The following NGEF variants were observed in gnomAD, a reference collection of about 807,000 sequenced individuals.
NGEF encodes neuronal guanine nucleotide exchange factor.
Under a neutral mutation model 80.9 loss-of-function variants are expected in NGEF, and 31 were observed. That is an observed-to-expected ratio of 0.38 (90% CI 0.29 to 0.52). The LOEUF (loss-of-function observed/expected upper bound fraction) is 0.52. Ranked by LOEUF, NGEF falls within the 20% of genes least tolerant of loss-of-function variation. The pLI, the probability that NGEF is intolerant of heterozygous loss-of-function variation, is 0.84. For synonymous variants in NGEF, 371 were observed against 370.2 expected, an observed-to-expected ratio of 1.00 and a Z score of -0.03; for missense variants, 709 against 926.2, an observed-to-expected ratio of 0.77 and a Z score of 3.04.
chr2:232,908,591 A>T (rs1417274254), intron 5 of NGEF, among the ~76,000 whole-genome samples: 2 of 151,438 alleles, frequency 1.3e-5, no homozygotes, highest in Non-Finnish European at 2.9e-5. Flanking sequence ...TTTTGCGGAG[A>T]TAGGGTCTTG....
chr2:232,939,522 A>G (rs1240096243), intron 3 of NGEF, among the ~76,000 whole-genome samples: 2 of 152,236 alleles, frequency 1.3e-5, no homozygotes, highest in African/African-American at 4.8e-5. Context: ...CATGTATTTA[A>G]TAATAAGAAA....
rs557911166 is a variant in NGEF at position 232,951,662 on chromosome 2, T to C, written c.383+18552A>G. Among the ~76,000 whole-genome samples the C allele has an allele frequency of 9.8e-4, 149 of 152,306 alleles. 1 individual carries two copies. Among genetic ancestry groups the C allele is most frequent in the African/African-American group, 3.3e-3 (136 of 41,570 alleles). On this transcript the variant is annotated intron_variant, in intron 3 of 14. Transcript: ENST00000264051. ...CTTCCTTTTAGGGCTTGGCTGCACC[T>C]AGGAACCGCCAGGATTCCTCAGTGC...
chr2:232,966,420 T>G lies in NGEF; in HGVS notation c.383+3794A>C, dbSNP rs548414280. Among the ~76,000 whole-genome samples the G allele has an allele frequency of 3.3e-5, 5 of 152,248 alleles. No individual in the cohort carries two copies. In the South Asian group the frequency reaches 1.0e-3, roughly 32 times the overall value. ...GCCTTCGGTGTAAATGCTTCCCCAA[T>G]CCCTGCTCAGCCTTGGCCCTCCTCC... On this transcript the variant is annotated intron_variant, in intron 3 of 14. Transcript: ENST00000264051.
chr2:232,901,477 G>C, intron 5 of NGEF: 1 of 968,634 alleles, frequency 1.0e-6, no homozygotes, highest in Non-Finnish European at 1.2e-6. Context: ...AATCACTGCT[G>C]TCTCTGATGC....
rs766288743 is a variant in NGEF, at chr2:232,892,871, C to G, written c.1142+27G>C. ...GCTGCCCCGGGCACCTCCCCCTGCC[C>G]CTGAGCCCCTTGCCGGATACACTCA... On this transcript the variant is annotated intron_variant, in intron 7 of 14. Transcript: ENST00000264051. The surrounding 1 kb of genome is among the most constrained non-coding windows in gnomAD (Gnocchi z 4.0). 1 of 1,608,380 alleles carries G rather than the reference C, an allele frequency of 6.2e-7. No homozygotes were observed. The highest frequency in any genetic ancestry group is 1.1e-5 in the South Asian group (1 of 90,726).
intron 3 of NGEF, among the ~76,000 whole-genome samples, chr2:232,934,593 C>T (rs1317810353): frequency 6.6e-6 from 1 of 152,142 alleles, no homozygotes; most frequent in Non-Finnish European, 1.5e-5. Context: ...ATTAGGCAGG[C>T]TGCTATTAAA....
intron 2 of NGEF, among the ~76,000 whole-genome samples, chr2:232,970,967 CA>C (rs1490879942): frequency 6.6e-6 from 1 of 152,196 alleles, no homozygotes; most frequent in African/African-American, 2.4e-5. Flanking sequence ...TTCTACTGGT[CA>C]AAAATCACTG....
intron 3 of NGEF, among the ~76,000 whole-genome samples, chr2:232,943,898 T>C (rs1465617088): frequency 1.3e-5 from 2 of 151,864 alleles, no homozygotes; most frequent in Non-Finnish European, 2.9e-5. Context: ...AACAAAACTA[T>C]CCAACCTCAT....
At chr2:233,005,324 G>A (rs894287253) in intron 1 of NGEF, among the ~76,000 whole-genome samples, 3 of 152,196 alleles carry the variant, frequency 2.0e-5, no homozygotes, top group African/African-American at 7.2e-5. Flanking sequence ...CAGTGCCCTT[G>A]GGGCTGTCTC....
At chr2:232,880,565 G>A (rs935994555) in intron 14 of NGEF, among the ~76,000 whole-genome samples, 8 of 152,336 alleles carry the variant, frequency 5.3e-5, no homozygotes, top group African/African-American at 1.9e-4. Context: ...TATACTTTGG[G>A]GATTTGGATC....
intron 1 of NGEF, among the ~76,000 whole-genome samples, chr2:232,996,344 CA>C (rs1242768668): frequency 6.6e-6 from 1 of 152,096 alleles, no homozygotes; most frequent in Non-Finnish European, 1.5e-5. Flanking sequence ...ACAACAACAA[CA>C]ACACAAACAA....
chr2:232,884,538 A>G (rs1035661720), intron 10 of NGEF, among the ~76,000 whole-genome samples: 1 of 152,198 alleles, frequency 6.6e-6, no homozygotes, highest in Non-Finnish European at 1.5e-5. Flanking sequence ...AGTGTCTGTC[A>G]TCATTGCCCC....
At chr2:232,902,377 G>C (rs964439721) in intron 5 of NGEF, among the ~76,000 whole-genome samples, 1 of 152,180 alleles carries the variant, frequency 6.6e-6, no homozygotes, top group Non-Finnish European at 1.5e-5. Flanking sequence ...TAGTGAATTC[G>C]AGGCCGGACT....
chr2:232,891,111 G>A (rs771206235), intron 8 of NGEF: 4 of 581,062 alleles, frequency 6.9e-6, no homozygotes, highest in African/African-American at 1.8e-5. Flanking sequence ...CTGTCGTGTC[G>A]GCCCATTTGG....
chr2:232,944,213 G>A (rs949132337), intron 3 of NGEF, among the ~76,000 whole-genome samples: 1 of 151,884 alleles, frequency 6.6e-6, no homozygotes, highest in African/African-American at 2.4e-5. Context: ...CAGCCTGGGT[G>A]GCAGAGCAAA....
chr2:232,928,225 G>A (rs1693131667), intron 3 of NGEF: 2 of 963,180 alleles, frequency 2.1e-6, no homozygotes, highest in African/African-American at 1.8e-5. Context: ...GGGCGCGCGC[G>A]GCGGGGGCGA....
intron 1 of NGEF, among the ~76,000 whole-genome samples, chr2:233,004,096 C>T (rs746668771): frequency 1.3e-5 from 2 of 152,160 alleles, no homozygotes; most frequent in Non-Finnish European, 2.9e-5. Flanking sequence ...ATCTCTGTCA[C>T]GATCATGTCA....
intron 3 of NGEF, among the ~76,000 whole-genome samples, chr2:232,966,812 C>A (rs971390359): frequency 6.6e-6 from 1 of 152,072 alleles, no homozygotes; most frequent in African/African-American, 2.4e-5. Flanking sequence ...TCCGGGTTGT[C>A]AGTTACTTTT....
rs1691865969 is a variant in NGEF, at chr2:232,891,028, C to T, written c.1272+330G>A. ...ACCAGCTCCTCCCTGTCAGCCAGGT[C>T]TCAGCTTACACGTCACGTGTCTTTC... On this transcript the variant is annotated intron_variant, in intron 8 of 14. Coordinates refer to ENST00000264051, the MANE Select transcript of NGEF (RefSeq NM_019850.3). 4 of 497,914 alleles carry T rather than the reference C, an allele frequency of 8.0e-6. 1 individual carries two copies. Among genetic ancestry groups the T allele is most frequent in the East Asian group, 6.0e-5 (1 of 16,770 alleles). 30.8% of individuals were successfully genotyped at this position (497,914 alleles called of 1,614,324 possible).
Sources: gnomAD v4.1 joint callset for allele counts (sites outside exome capture counted in the v4.1 genomes callset) on GRCh38, gnomAD v4.1.1 for gene constraint, Gnocchi (gnomAD v3.1) non-coding constraint, MANE v1.5 for transcripts, NCBI Gene and HGNC (gene_info 2026-07-23, HGNC 2026-07-21) for gene names.